Variants in DISC1 observed in about 807,000 individuals in gnomAD.
DISC1 encodes DISC1 scaffold protein.
DISC1 carries 57 observed loss-of-function variants against 84.5 expected under a neutral mutation model. The observed-to-expected ratio is 0.67, with a 90% CI of 0.55 to 0.84. DISC1 has a LOEUF of 0.84. Among genes scored for constraint, DISC1 ranks in the 40% least tolerant of loss-of-function variants. The pLI, the probability that DISC1 is intolerant of heterozygous loss-of-function variation, is 0.00. For synonymous variants in DISC1, 411 were observed against 415.2 expected (o/e 0.99, Z 0.12); for missense variants, 1,000 against 1,057.8 (o/e 0.95, Z 0.76).
chr1:231,860,749 T>C (rs936977077), intron 9 of DISC1, among the ~76,000 whole-genome samples: 1 of 152,244 alleles, frequency 6.6e-6, no homozygotes, highest in African/African-American at 2.4e-5. Context: ...TTTTTTGTTA[T>C]CTTTTTGCAC....
chr1:232,000,703 AT>A (rs1666577800), intron 10 of DISC1, among the ~76,000 whole-genome samples: 1 of 152,204 alleles, frequency 6.6e-6, no homozygotes, highest in Admixed American at 6.5e-5. Context: ...ACCCAGAGAG[AT>A]TTACTACCTA....
At chr1:232,012,485 C>G (rs905771447) in intron 11 of DISC1, among the ~76,000 whole-genome samples, 3 of 152,270 alleles carry the variant, frequency 2.0e-5, no homozygotes, top group African/African-American at 7.2e-5. Flanking sequence ...TTGCATTTAT[C>G]CTGTGGCTAA....
At chr1:231,736,942 T>G (rs938219463) in intron 3 of DISC1, among the ~76,000 whole-genome samples, 1 of 152,242 alleles carries the variant, frequency 6.6e-6, no homozygotes, top group South Asian at 2.1e-4. Context: ...TGTGTGAAGA[T>G]TTCTTGCTGC....
rs1424419098 is a variant in DISC1, at chr1:231,675,723, C to T, written c.68-18103C>T. On this transcript the variant is annotated intron_variant, in intron 1 of 12. Coordinates refer to ENST00000439617, the MANE Select transcript of DISC1 (RefSeq NM_018662.3). The surrounding 1 kb of genome is among the most constrained non-coding windows in gnomAD (Gnocchi z 4.1). ...TGAGGGCTTTCTCTGTCTTTGTCTT[C>T]TCTTGTCTTCGAGGTCCTTCTTACT... Among the ~76,000 whole-genome samples the T allele has an allele frequency of 1.3e-5, 2 of 152,164 alleles. No homozygotes were observed. The highest frequency in any genetic ancestry group is 4.8e-5 in the African/African-American group (2 of 41,444).
At chr1:232,014,632 C>G (rs1271730370) in intron 11 of DISC1, among the ~76,000 whole-genome samples, 1 of 152,226 alleles carries the variant, frequency 6.6e-6, no homozygotes, top group African/African-American at 2.4e-5. Context: ...AACATGCCCT[C>G]TCATTTGCTA....
intron 9 of DISC1, among the ~76,000 whole-genome samples, chr1:231,875,682 C>T (rs2085836414): frequency 6.6e-6 from 1 of 152,176 alleles, no homozygotes; most frequent in African/African-American, 2.4e-5. Context: ...CTCTGAATTA[C>T]CAAGTACAAG....
intron 8 of DISC1, among the ~76,000 whole-genome samples, chr1:231,805,149 A>T (rs1012579808): frequency 6.6e-6 from 1 of 152,130 alleles, no homozygotes; most frequent in Non-Finnish European, 1.5e-5. Flanking sequence ...CACTGTACAC[A>T]CCTTAAGTGT....
At chr1:232,012,404 A>G (rs1395599132) in intron 11 of DISC1, among the ~76,000 whole-genome samples, 1 of 152,204 alleles carries the variant, frequency 6.6e-6, no homozygotes, top group African/African-American at 2.4e-5. Flanking sequence ...AAATGATAAC[A>G]AGGGCCTCAT....
chr1:231,863,511 G>A lies in DISC1; in HGVS notation c.1981+44994G>A, dbSNP rs182004519. On this transcript the variant is annotated intron_variant, in intron 9 of 12. Transcript: ENST00000439617. ...CTCCCAAAGTGCTGGGATTACATGCGTGAGCCACCGCGCCTGGCCTAAAAC... is the reference window on the plus strand; with the variant it reads ...CTCCCAAAGTGCTGGGATTACATGCATGAGCCACCGCGCCTGGCCTAAAAC... Among the ~76,000 whole-genome samples the A allele has an allele frequency of 4.9e-3, 747 of 152,216 alleles. 9 individuals carry two copies. The highest frequency in any genetic ancestry group is 0.017 in the African/African-American group (712 of 41,538).
At chr1:231,865,662 T>A (rs1197612952) in intron 9 of DISC1, among the ~76,000 whole-genome samples, 1 of 152,240 alleles carries the variant, frequency 6.6e-6, no homozygotes, top group Admixed American at 6.5e-5. Flanking sequence ...TCTCTGAATT[T>A]GACTACTTTA....
intron 3 of DISC1, chr1:231,722,531 C>G (rs2125111781): frequency 6.2e-7 from 1 of 1,614,190 alleles, no homozygotes; most frequent in East Asian, 2.2e-5. Context: ...TCATTTTCTT[C>G]TTGGCAGCTG....
intron 6 of DISC1, among the ~76,000 whole-genome samples, chr1:231,791,427 T>G (rs933512529): frequency 1.3e-5 from 2 of 152,236 alleles, no homozygotes; most frequent in African/African-American, 4.8e-5. Context: ...GAAATTTTCT[T>G]GTCTTACAAT....
Position 231,702,685 on chromosome 1 carries a change from T to C in DISC1, c.1117+661T>C, listed in dbSNP as rs1047213501. On this transcript the variant is annotated intron_variant, in intron 3 of 12. Coordinates refer to ENST00000439617, the MANE Select transcript of DISC1 (RefSeq NM_018662.3). The stretch of plus-strand genomic sequence containing the variant: ...AACCAATTAAAATGAGGCACCAAAA[T>C]AGAAGTTGGGCTGCAAGCAGATGAG... 1.5e-5 allele frequency: 13 copies of C among 844,500 alleles called. No homozygotes were observed. In the South Asian group the frequency reaches 4.4e-4, roughly 28 times the overall value. The allele number at this position is 844,500 out of a possible 1,614,324, so 52.3% of individuals were successfully genotyped here.
intron 4 of DISC1, among the ~76,000 whole-genome samples, chr1:231,755,116 C>G (rs2074991981): frequency 1.3e-5 from 2 of 152,136 alleles, no homozygotes. Flanking sequence ...TCCCATTTCC[C>G]TTGGCTTTCA....
At chr1:232,001,302 C>T (rs899990534) in intron 10 of DISC1, among the ~76,000 whole-genome samples, 2 of 152,102 alleles carry the variant, frequency 1.3e-5, no homozygotes, top group African/African-American at 2.4e-5. Context: ...TGGTCTCCAA[C>T]TCCTGACCTC....
intron 12 of DISC1, 61 bp from the exon 13 acceptor site, chr1:232,036,631 C>T (rs1276057056): frequency 2.5e-5 from 36 of 1,422,092 alleles, no homozygotes; most frequent in Non-Finnish European, 3.2e-5. Context: ...GCTCTTCGAT[C>T]CCTCGGAGGC....
chr1:231,893,859 T>C (rs1452292066), intron 9 of DISC1, among the ~76,000 whole-genome samples: 1 of 152,192 alleles, frequency 6.6e-6, no homozygotes, highest in Non-Finnish European at 1.5e-5. Context: ...GAACAATGAA[T>C]ACAATCTACC....
At chr1:232,028,435 G>A (rs1230391770) in intron 12 of DISC1, among the ~76,000 whole-genome samples, 1 of 152,090 alleles carries the variant, frequency 6.6e-6, no homozygotes, top group Non-Finnish European at 1.5e-5. Flanking sequence ...TAGAGCTGGG[G>A]AGGCAGCTCT....
intron 9 of DISC1, among the ~76,000 whole-genome samples, chr1:231,823,032 G>A (rs2081609239): frequency 6.6e-6 from 1 of 152,174 alleles, no homozygotes; most frequent in Non-Finnish European, 1.5e-5. Flanking sequence ...ATAAGGTTTG[G>A]AGGTCAAAGA....
Sources: allele counts gnomAD v4.1 joint callset (sites outside exome capture counted in the v4.1 genomes callset), GRCh38; gene constraint gnomAD v4.1.1; non-coding constraint Gnocchi (gnomAD v3.1); transcripts MANE v1.5; gene names NCBI Gene and HGNC (gene_info 2026-07-23, HGNC 2026-07-21).